The following GRXCR2 variants were observed in gnomAD, a reference collection of about 807,000 sequenced individuals.
GRXCR2 encodes the protein glutaredoxin and cysteine rich domain containing 2.
Under a neutral mutation model 24.8 loss-of-function variants are expected in GRXCR2, and 23 were observed. The observed-to-expected ratio is 0.93, with a 90% CI of 0.67 to 1.32. The LOEUF (loss-of-function observed/expected upper bound fraction) is 1.32. Among genes scored for constraint, GRXCR2 ranks in the 40% most tolerant of loss-of-function variants. The pLI is 0.00. For synonymous variants in GRXCR2, 130 were observed against 116.1 expected, an observed-to-expected ratio of 1.12 and a Z score of -0.77; for missense variants, 315 against 303.4, an observed-to-expected ratio of 1.04 and a Z score of -0.28.
chr5:145,925,760 C>A (rs1161693051), intron 2 of GRXCR2, among the ~76,000 whole-genome samples: 1 of 151,998 alleles, frequency 6.6e-6, no homozygotes, highest in Non-Finnish European at 1.5e-5. Context: ...TCACATGGCA[C>A]CCTAAAAAAT....
At chr5:145,882,082 G>A (rs935431815) in intron 2 of GRXCR2, among the ~76,000 whole-genome samples, 8 of 152,116 alleles carry the variant, frequency 5.3e-5, no homozygotes, top group African/African-American at 1.9e-4. Context: ...AGAAAACCCA[G>A]GCAATACCAT....
At chr5:145,881,348 C>G (rs947090280) in intron 2 of GRXCR2, among the ~76,000 whole-genome samples, 2 of 152,190 alleles carry the variant, frequency 1.3e-5, no homozygotes, top group Non-Finnish European at 2.9e-5. Context: ...GATACAAAAT[C>G]AATATGCAAA....
chr5:145,883,121 T>G (rs1351424864), intron 2 of GRXCR2, among the ~76,000 whole-genome samples: 2 of 151,700 alleles, frequency 1.3e-5, no homozygotes, highest in African/African-American at 4.8e-5. Context: ...TGTATACATA[T>G]GTATCAAACC....
chr5:145,895,831 C>A (rs565806876), intron 2 of GRXCR2, among the ~76,000 whole-genome samples: 1 of 152,154 alleles, frequency 6.6e-6, no homozygotes, highest in African/African-American at 2.4e-5. Context: ...CAAGTCAATC[C>A]TAAGCCAAAA....
chr5:145,873,472 G>T (rs1309468817), upstream of GRXCR2, among the ~76,000 whole-genome samples: 1 of 152,200 alleles, frequency 6.6e-6, no homozygotes, highest in Admixed American at 6.5e-5. Context: ...ACAGGGGAAA[G>T]TGAGGCTTAG....
chr5:145,905,654 G>A lies in GRXCR2; in HGVS notation c.-70+30047C>T, dbSNP rs116764807. ...AGAGATGGAGGGAATAAATAATTCCGAGTTGCATGGACGGGGTAGGAGAGG... is the reference window on the plus strand; with the variant it reads ...AGAGATGGAGGGAATAAATAATTCCAAGTTGCATGGACGGGGTAGGAGAGG... On this transcript the variant is annotated intron_variant, in intron 2 of 3. Coordinates refer to the GRXCR2 transcript ENST00000639411. 6.6e-3 allele frequency among the ~76,000 whole-genome samples: 1,001 copies of A among 152,262 alleles called. 10 individuals carry two copies. The highest frequency in any genetic ancestry group is 0.023 in the African/African-American group (962 of 41,518).
intron 2 of GRXCR2, among the ~76,000 whole-genome samples, chr5:145,926,668 T>C (rs1250695573): frequency 6.6e-6 from 1 of 152,204 alleles, no homozygotes; most frequent in Admixed American, 6.5e-5. Context: ...GTGTGATGCC[T>C]CCAGCTTTGT....
intron 2 of GRXCR2, among the ~76,000 whole-genome samples, chr5:145,886,067 T>C (rs1756775299): frequency 6.6e-6 from 1 of 152,134 alleles, no homozygotes; most frequent in South Asian, 2.1e-4. Flanking sequence ...AAACAAAAGA[T>C]AATTCTTTTA....
rs1047409276 is a variant in GRXCR2 at position 145,859,590 on chromosome 5, A to G, written c.*143T>C. 7 of 683,640 alleles carry G rather than the reference A, an allele frequency of 1.0e-5. No homozygotes were observed. The highest frequency in any genetic ancestry group is 3.7e-5 in the South Asian group (2 of 54,524). 42.3% of individuals were successfully genotyped at this position (683,640 alleles called of 1,614,324 possible). The stretch of plus-strand genomic sequence containing the variant: ...TACCGGCCTCACAAAATGTCATCAG[A>G]TAATTGAGTTTTGCCAGCAGTGGGA... On this transcript the variant is annotated 3_prime_UTR_variant, in exon 3 of 3. Coordinates refer to ENST00000377976, the MANE Select transcript of GRXCR2 (RefSeq NM_001080516.2).
intron 2 of GRXCR2, among the ~76,000 whole-genome samples, chr5:145,895,720 A>G (rs1756939326): frequency 1.3e-5 from 2 of 152,218 alleles, no homozygotes; most frequent in Non-Finnish European, 2.9e-5. Context: ...GCTAATTTAT[A>G]GATTCAATGC....
At chr5:145,893,408 C>T (rs528684928) in intron 2 of GRXCR2, among the ~76,000 whole-genome samples, 2 of 152,184 alleles carry the variant, frequency 1.3e-5, no homozygotes, top group East Asian at 1.9e-4. Context: ...CAGAGACACA[C>T]ATAGGCTCAA....
intron 2 of GRXCR2, among the ~76,000 whole-genome samples, chr5:145,880,915 C>G (rs1464859742): frequency 1.3e-5 from 2 of 152,146 alleles, no homozygotes; most frequent in Non-Finnish European, 2.9e-5. Context: ...ATAAACAGAA[C>G]CAATGACAAA....
rs1202113396 is a variant in GRXCR2 at position 145,889,173 on chromosome 5, A to AAAGAAAGAAAG, written c.-69-22456_-69-22446dup. Reference sequence around the variant, plus strand: ...GACAGACCGAGACTCTGTCTCAAAAAAAGAAAGAAAGAAAGAAAGAAAGAA... The same window carrying AAAGAAAGAAAG: ...GACAGACCGAGACTCTGTCTCAAAAAAAGAAAGAAAGAAGAAAGAAAGAAAGAAAGAAAGAA... On this transcript the variant is annotated intron_variant, in intron 2 of 3. Transcript: ENST00000639411. 4.0e-3 allele frequency among the ~76,000 whole-genome samples: 157 copies of AAAGAAAGAAAG among 39,460 alleles called. 1 individual carries two copies. The highest frequency in any genetic ancestry group is 6.4e-3 in the Admixed American group (25 of 3,910). The allele number at this position is 39,460 out of a possible 152,430, so 25.9% of individuals were successfully genotyped here.
chr5:145,918,161 TC>T (rs1398348433), intron 2 of GRXCR2, among the ~76,000 whole-genome samples: 1 of 152,204 alleles, frequency 6.6e-6, no homozygotes, highest in Non-Finnish European at 1.5e-5. Flanking sequence ...ATGCTGGTAT[TC>T]CTAGAAGACC....
intron 2 of GRXCR2, among the ~76,000 whole-genome samples, chr5:145,916,882 C>T (rs931329380): frequency 5.9e-5 from 9 of 152,082 alleles, no homozygotes; most frequent in Admixed American, 2.0e-4. Flanking sequence ...CTGTCATCAC[C>T]TTTTTTGTCA....
chr5:145,891,699 C>G (rs752210537), intron 2 of GRXCR2, among the ~76,000 whole-genome samples: 1 of 152,202 alleles, frequency 6.6e-6, no homozygotes, highest in Non-Finnish European at 1.5e-5. Context: ...TAGACTCCAC[C>G]TCTGGGGGCA....
chr5:145,926,183 A>C (rs1343005372), intron 2 of GRXCR2, among the ~76,000 whole-genome samples: 2 of 152,144 alleles, frequency 1.3e-5, no homozygotes, highest in Admixed American at 1.3e-4. Context: ...AGTAAGGCAC[A>C]GTATCTGTCA....
chr5:145,881,277 A>G (rs1289296632), intron 2 of GRXCR2, among the ~76,000 whole-genome samples: 3 of 152,232 alleles, frequency 2.0e-5, no homozygotes, highest in African/African-American at 7.2e-5. Flanking sequence ...ATATTTAGAA[A>G]ACCCTATTGT....
At chr5:145,861,548 G>T (rs1756339350) in intron 2 of GRXCR2, among the ~76,000 whole-genome samples, 1 of 151,950 alleles carries the variant, frequency 6.6e-6, no homozygotes, top group African/African-American at 2.4e-5. Flanking sequence ...CACCTGTACT[G>T]CCCCTCGCAT....
Sources: gnomAD v4.1 joint callset for allele counts (sites outside exome capture counted in the v4.1 genomes callset) on GRCh38, gnomAD v4.1.1 for gene constraint, MANE v1.5 for transcripts, NCBI Gene and HGNC (gene_info 2026-07-23, HGNC 2026-07-21) for gene names.